The following PTPRD variants were observed in gnomAD, a reference collection of about 807,000 sequenced individuals.
PTPRD encodes protein tyrosine phosphatase receptor type D.
Under a neutral mutation model 214.5 loss-of-function variants are expected in PTPRD, and 34 were observed. That is an observed-to-expected ratio of 0.16 (90% CI 0.12 to 0.21). The LOEUF is 0.21. Among genes scored for constraint, PTPRD ranks in the 10% least tolerant of loss-of-function variants. PTPRD has a pLI of 1.00. For synonymous variants in PTPRD, 1,128 were observed against 845.7 expected (o/e 1.33, Z -5.79); for missense variants, 2,545 against 2,398.7 (o/e 1.06, Z -1.27).
chr9:9,061,984 T>C (rs763211851), intron 10 of PTPRD, among the ~76,000 whole-genome samples: 6 of 151,960 alleles, frequency 3.9e-5, no homozygotes, highest in Non-Finnish European at 7.4e-5. Context: ...AATTAAAAGA[T>C]GCCTCTGAAC....
In PTPRD at chr9:9,961,109, C is replaced by T. The variant is rs189929437; in HGVS notation, c.-471-22499G>A. 5.3e-5 allele frequency among the ~76,000 whole-genome samples: 8 copies of T among 152,180 alleles called. No homozygotes were observed. The South Asian group carries it at 1.5e-3, about 28-fold the overall frequency. ...ATCTCCTTTCAAATATGAATTACAA[C>T]TAGGTTAAATGAATTACTGATATCA... On this transcript the variant is annotated intron_variant, in intron 4 of 45. Transcript: ENST00000381196.
chr9:8,531,665 T>C (rs1401460553), intron 14 of PTPRD, among the ~76,000 whole-genome samples: 41 of 152,216 alleles, frequency 2.7e-4, no homozygotes, highest in Admixed American at 2.4e-3. Flanking sequence ...ATCTCTCCCA[T>C]GGTGTTTAAG....
chr9:10,406,417 G>T (rs2154501441), intron 2 of PTPRD, among the ~76,000 whole-genome samples: 1 of 151,620 alleles, frequency 6.6e-6, no homozygotes, highest in East Asian at 2.0e-4. Flanking sequence ...TGTCTACACA[G>T]ATTTCATAGT....
chr9:8,582,947 C>A (rs910602169), intron 14 of PTPRD, among the ~76,000 whole-genome samples: 1 of 152,116 alleles, frequency 6.6e-6, no homozygotes, highest in African/African-American at 2.4e-5. Context: ...AGTTGGAGCA[C>A]TGCTTGAAAT....
rs1268153970 is a variant in PTPRD at position 10,021,346 on chromosome 9, G to A, written c.-472+12372C>T. ...ATCACTTTCCCTTTCATATTCAGGT[G>A]CTACCCCACAAGATTATTAGTATTA... On this transcript the variant is annotated intron_variant, in intron 4 of 45. Coordinates refer to ENST00000381196, the MANE Select transcript of PTPRD (RefSeq NM_002839.4). Among the ~76,000 whole-genome samples the A allele has an allele frequency of 1.3e-4, 2 of 15,652 alleles. 1 individual carries two copies. The highest frequency in any genetic ancestry group is 2.3e-4 in the Non-Finnish European group (2 of 8,862). The allele number at this position is 15,652 out of a possible 152,430, so 10.3% of individuals were successfully genotyped here. A position where few individuals can be genotyped will look rare whatever the true frequency, so the allele number is the denominator to read the frequency against.
chr9:10,042,373 A>G lies in PTPRD; in HGVS notation c.-544-8583T>C, dbSNP rs377543848. On this transcript the variant is annotated intron_variant, in intron 3 of 45. Coordinates refer to ENST00000381196, the MANE Select transcript of PTPRD (RefSeq NM_002839.4). Reference sequence around the variant, plus strand: ...TCTATTAAATGCAATCTATTAAAGCACCATAGATTGCCAACTTACACAAAG... The same window carrying G: ...TCTATTAAATGCAATCTATTAAAGCGCCATAGATTGCCAACTTACACAAAG... 4.5e-4 allele frequency among the ~76,000 whole-genome samples: 69 copies of G among 152,076 alleles called. 1 individual carries two copies. The highest frequency in any genetic ancestry group is 1.5e-3 in the African/African-American group (61 of 41,544).
intron 2 of PTPRD, among the ~76,000 whole-genome samples, chr9:10,452,368 C>T (rs75830602): frequency 0.012 from 1,807 of 151,686 alleles, 34 homozygotes; most frequent in African/African-American, 0.039. Context: ...TTTACGGTAA[C>T]TCTATTTTTA....
intron 10 of PTPRD, among the ~76,000 whole-genome samples, chr9:9,150,594 T>A (rs148134295): frequency 0.034 from 5,110 of 151,562 alleles, 304 homozygotes; most frequent in African/African-American, 0.12. Flanking sequence ...TTCAAGTGAT[T>A]CTCCTGCCTC....
At chr9:8,969,945 A>G (rs1032127062) in intron 11 of PTPRD, among the ~76,000 whole-genome samples, 6 of 151,990 alleles carry the variant, frequency 3.9e-5, no homozygotes, top group African/African-American at 1.4e-4. Flanking sequence ...AGATGAAAGC[A>G]TGGTGTGTTA....
intron 3 of PTPRD, among the ~76,000 whole-genome samples, chr9:10,332,320 C>T (rs2096766061): frequency 6.6e-6 from 1 of 151,796 alleles, no homozygotes; most frequent in Non-Finnish European, 1.5e-5. Context: ...AGAATTTCAA[C>T]AGGGTTTCGA....
At chr9:9,570,117 A>G (rs2085908871) in intron 8 of PTPRD, among the ~76,000 whole-genome samples, 1 of 151,498 alleles carries the variant, frequency 6.6e-6, no homozygotes, top group Admixed American at 6.6e-5. Flanking sequence ...AAATTTCCAG[A>G]AAGTATTTGT....
chr9:8,997,011 A>T (rs184454066), intron 11 of PTPRD, among the ~76,000 whole-genome samples: 6 of 152,234 alleles, frequency 3.9e-5, no homozygotes, highest in South Asian at 2.1e-4. Flanking sequence ...CTGACTAAAA[A>T]TAGGTTTAAA....
At chr9:8,861,862 C>T (rs2098112847) in intron 11 of PTPRD, 1 of 152,164 alleles carries the variant, frequency 6.6e-6, no homozygotes, top group South Asian at 2.1e-4. Context: ...AGACCTTTTC[C>T]TGTAGGTGTT....
intron 43 of PTPRD, among the ~76,000 whole-genome samples, chr9:8,336,491 C>A (rs959695521): frequency 2.8e-5 from 2 of 70,804 alleles, no homozygotes; most frequent in East Asian, 5.3e-4. Flanking sequence ...GATGAAAACC[C>A]CTAGAAGAAA....
At chr9:8,974,473 G>A (rs1437913543) in intron 11 of PTPRD, among the ~76,000 whole-genome samples, 1 of 151,854 alleles carries the variant, frequency 6.6e-6, no homozygotes, top group Non-Finnish European at 1.5e-5. Flanking sequence ...AGGTATACAT[G>A]CGCCATGGTG....
intron 11 of PTPRD, among the ~76,000 whole-genome samples, chr9:8,771,641 T>A (rs7024353): frequency 2.3e-4 from 35 of 152,166 alleles, no homozygotes; most frequent in African/African-American, 8.4e-4. Flanking sequence ...TTTATGAATA[T>A]AAAATTTACT....
chr9:8,786,392 GT>G (rs2095969554), intron 11 of PTPRD, among the ~76,000 whole-genome samples: 1 of 137,362 alleles, frequency 7.3e-6, no homozygotes. Flanking sequence ...AAAAGGAAAA[GT>G]TTGGAGTTCT....
intron 3 of PTPRD, among the ~76,000 whole-genome samples, chr9:10,164,276 A>G (rs2099145920): frequency 6.6e-6 from 1 of 151,736 alleles, no homozygotes; most frequent in Non-Finnish European, 1.5e-5. Flanking sequence ...CTAGAGGGCC[A>G]TAAGATTACA....
chr9:8,701,699 T>G (rs1474963202), intron 12 of PTPRD: 1 of 152,148 alleles, frequency 6.6e-6, no homozygotes, highest in East Asian at 1.9e-4. Context: ...TGCTCTTCCT[T>G]TGTCACCCTT....
Sources: gnomAD v4.1 joint callset for allele counts (sites outside exome capture counted in the v4.1 genomes callset) on GRCh38, gnomAD v4.1.1 for gene constraint, MANE v1.5 for transcripts, NCBI Gene and HGNC (gene_info 2026-07-23, HGNC 2026-07-21) for gene names.